F8: variants seen among roughly 807,000 people sequenced by gnomAD.
F8 encodes the protein coagulation factor VIII, also known as antihemophilic factor.
A neutral mutation model predicts 140.6 loss-of-function variants in F8; 12 were observed. The ratio of observed to expected loss-of-function variants is 0.09; its 90% CI spans 0.05 to 0.14. F8 has a LOEUF of 0.14. Ranked by LOEUF, F8 falls within the 10% of genes least tolerant of loss-of-function variation. F8 has a pLI of 1.00. For synonymous variants in F8, 585 were observed against 614.6 expected, an observed-to-expected ratio of 0.95 and a Z score of 0.71; for missense variants, 1,354 against 1,720.7, an observed-to-expected ratio of 0.79 and a Z score of 3.77.
chrX:154,966,187 G>A (rs1340618468), intron 8 of F8, 46 bp from the exon 9 acceptor site: 7 of 1,144,083 alleles, frequency 6.1e-6, no homozygotes, highest in Non-Finnish European at 8.3e-6. Context: ...AAAAATTCTA[G>A]GTAGGCTCAA....
At chrX:154,896,370 T>A in intron 21 of F8, 138 bp from the exon 22 acceptor site, 1 of 624,052 alleles carries the variant, frequency 1.6e-6, no homozygotes, top group Non-Finnish European at 2.6e-6. Context: ...AGTGAAGCAG[T>A]CACCAATGTT....
intron 22 of F8, among the ~76,000 whole-genome samples, chrX:154,877,423 G>C (rs782642364): frequency 8.9e-6 from 1 of 111,988 alleles, no homozygotes; most frequent in Non-Finnish European, 1.9e-5. Context: ...CGAAGATGGA[G>C]GAAGGAAGCC....
chrX:155,013,875 G>A, intron 1 of F8, among the ~76,000 whole-genome samples: 1 of 111,472 alleles, frequency 9.0e-6, no homozygotes, highest in Non-Finnish European at 1.9e-5. Flanking sequence ...GTGCATGAGT[G>A]TAGAGAGAGA....
chrX:154,906,208 A>C (rs1395169492), intron 15 of F8, among the ~76,000 whole-genome samples: 2 of 111,774 alleles, frequency 1.8e-5, no homozygotes, highest in African/African-American at 6.5e-5. Flanking sequence ...ATGATGTGAT[A>C]TTTAGTAAAA....
rs1316611205 is a variant in F8 at position 154,896,123 on chromosome X, C to T, written c.6383G>A (p.Gly2128Glu). ...SQFIIMYSLD[G>E]KKWQTYRGNS... ...TCCTCGATAAGTCTGCCACTTCTTC[C>T]CATCAAGACTATACATGATGATAAA... is the stretch of plus-strand genomic sequence containing the variant. Residue 2128 changes from glycine (G) to glutamate (E), a missense_variant, in exon 22 of 26, where the codon GGG (glycine) becomes GAG (glutamate). Gly to Glu is a moderately conservative substitution (Grantham distance 98). Coordinates refer to ENST00000360256, the MANE Select transcript of F8 (RefSeq NM_000132.4). The T allele has an allele frequency of 5.0e-6, 6 of 1,209,455 alleles. No homozygotes were observed. The highest frequency in any genetic ancestry group is 6.7e-6 in the Non-Finnish European group (6 of 893,649).
In F8 at chrX:154,929,420, G is replaced by A. The variant is rs781870675; in HGVS notation, c.4370C>T (p.Ala1457Val). The stretch of plus-strand genomic sequence containing the variant: ...GGCTAAAGAAAGGTTATTTTTTTTG[G>A]CTCCTTGTAAGAAATGACTGCTTTC... Reference protein sequence around the residue: ...VQESSHFLQGAKKNNLSLAIL... With the variant: ...VQESSHFLQGVKKNNLSLAIL... Residue 1457 changes from alanine to valine, a missense_variant, in exon 14 of 26, where the codon GCC becomes GTC. Transcript: ENST00000360256. 2 of 1,208,603 alleles carry A rather than the reference G, an allele frequency of 1.7e-6. No individual in the cohort carries two copies. The highest frequency in any genetic ancestry group is 1.8e-5 in the African/African-American group (1 of 56,953).
chrX:154,910,021 G>A (rs1050362891), intron 14 of F8, among the ~76,000 whole-genome samples: 12 of 111,779 alleles, frequency 1.1e-4, no homozygotes, highest in African/African-American at 3.6e-4. Context: ...CTGTGTCTAT[G>A]TAGAAAGAAG....
intron 6 of F8, among the ~76,000 whole-genome samples, chrX:154,983,220 T>C (rs2073539215): frequency 8.9e-6 from 1 of 112,794 alleles, no homozygotes; most frequent in Non-Finnish European, 1.9e-5. Flanking sequence ...CATAGAATCC[T>C]ATTGTTACCT....
chrX:154,948,455 G>T (rs1164707327), intron 12 of F8, among the ~76,000 whole-genome samples: 1 of 111,861 alleles, frequency 8.9e-6, no homozygotes, highest in Admixed American at 9.5e-5. Context: ...GTATTGAGAG[G>T]TAAAGGGATG....
At chrX:154,992,299 G>C (rs2073592319) in intron 4 of F8, among the ~76,000 whole-genome samples, 1 of 111,431 alleles carries the variant, frequency 9.0e-6, no homozygotes, top group Admixed American at 9.6e-5. Flanking sequence ...AAGATAAATG[G>C]AACAAGGAAA....
chrX:154,936,214 C>T (rs2073224451), intron 13 of F8, among the ~76,000 whole-genome samples: 1 of 111,321 alleles, frequency 9.0e-6, no homozygotes, highest in Non-Finnish European at 1.9e-5. Flanking sequence ...AAAACAACAA[C>T]CACAAACCCA....
At chrX:154,946,906 A>G (rs1203336505) in intron 13 of F8, among the ~76,000 whole-genome samples, 1 of 111,877 alleles carries the variant, frequency 8.9e-6, no homozygotes, top group African/African-American at 3.3e-5. Context: ...AAAAATGGAC[A>G]AAGATCTGAA....
chrX:155,017,266 G>A (rs2124169389), intron 1 of F8, among the ~76,000 whole-genome samples: 1 of 112,482 alleles, frequency 8.9e-6, no homozygotes, highest in Non-Finnish European at 1.9e-5. Context: ...ACTAAGGAGT[G>A]CAGCCCTATT....
At position 154,960,491 on chromosome X, in the gene F8, T is replaced by C. The variant is rs781965454; in HGVS notation, c.1537+584A>G. Among the ~76,000 whole-genome samples the C allele has an allele frequency of 1.2e-4, 13 of 110,481 alleles. No individual in the cohort carries two copies. In the East Asian group the frequency reaches 3.1e-3, roughly 26 times the overall value. ...AAATAAATCTTTAAACAGCAAACAA[T>C]ATAGTAAATAAAAACTGGAGTTGTG... is the stretch of plus-strand genomic sequence containing the variant. On this transcript the variant is annotated intron_variant, in intron 10 of 25. Transcript: ENST00000360256.
rs370048862 is a variant in F8 at position 154,954,065 on chromosome X, G to C, written c.1753-23C>G. On this transcript the variant is annotated intron_variant, in intron 11 of 25. Transcript: ENST00000360256. The stretch of plus-strand genomic sequence containing the variant: ...TATCTGTTAATTACATATATTGAAA[G>C]GGGTAAAGAAATGCTACTGATGTTG... 16 of 1,202,921 alleles carry C rather than the reference G, an allele frequency of 1.3e-5. No homozygotes were observed. The African/African-American group carries it at 1.8e-4, about 13-fold the overall frequency.
chrX:154,924,772 C>A (rs2073151175), intron 14 of F8, among the ~76,000 whole-genome samples: 1 of 112,638 alleles, frequency 8.9e-6, no homozygotes, highest in Non-Finnish European at 1.9e-5. Flanking sequence ...CAGTTCTTGA[C>A]TTCTGTGCAC....
At chrX:154,993,614 T>C (rs782819599) in intron 3 of F8, among the ~76,000 whole-genome samples, 1 of 112,239 alleles carries the variant, frequency 8.9e-6, no homozygotes, top group Admixed American at 9.4e-5. Flanking sequence ...AGAAGCTTCA[T>C]ATACTCCAGA....
In F8 at chrX:155,009,485, C is replaced by T. The variant is rs946689951; in HGVS notation, c.144-9885G>A. On this transcript the variant is annotated intron_variant, in intron 1 of 25. Transcript: ENST00000360256. ...GACCCAATGGCTCACATCTGTAATC[C>T]CAGCACTTTGGGAGGCCGAGGCGGG... 3.6e-5 allele frequency among the ~76,000 whole-genome samples: 4 copies of T among 111,316 alleles called. No homozygotes were observed. In the East Asian group the frequency reaches 1.1e-3, roughly 31 times the overall value.
At chrX:154,910,836 G>A (rs143515388) in intron 14 of F8, among the ~76,000 whole-genome samples, 14 of 109,415 alleles carry the variant, frequency 1.3e-4, no homozygotes, top group African/African-American at 3.7e-4. Context: ...TCTCCTGCTC[G>A]TCCCTGGGCA....
Sources: allele counts gnomAD v4.1 joint callset (sites outside exome capture counted in the v4.1 genomes callset), GRCh38; gene constraint gnomAD v4.1.1; transcripts MANE v1.5; gene names NCBI Gene and HGNC (gene_info 2026-07-23, HGNC 2026-07-21).